The following FAM227B variants were observed in gnomAD, a reference collection of about 807,000 sequenced individuals.
The protein encoded by FAM227B is family with sequence similarity 227 member B, also known as protein FAM227B.
FAM227B carries 88 observed loss-of-function variants against 73.8 expected under a neutral mutation model. The observed-to-expected ratio is 1.19, with a 90% confidence interval of 1.00 to 1.42. The LOEUF (loss-of-function observed/expected upper bound fraction) is 1.42, where lower values mean the gene tolerates loss of function less well. FAM227B is among the 40% of genes most tolerant of loss of function. FAM227B has a pLI of 0.00. For synonymous variants in FAM227B, 210 were observed against 190.5 expected, an observed-to-expected ratio of 1.10 and a Z score of -0.84; for missense variants, 632 against 590.9, an observed-to-expected ratio of 1.07 and a Z score of -0.72.
chr15:49,381,451 A>T (rs1387028875), intron 11 of FAM227B, among the ~76,000 whole-genome samples: 2 of 152,262 alleles, frequency 1.3e-5, no homozygotes, highest in Non-Finnish European at 2.9e-5. Flanking sequence ...ATGCTGAAGC[A>T]GGAGGACATA....
At chr15:49,528,749 A>T (rs2060392301) in intron 10 of FAM227B, among the ~76,000 whole-genome samples, 1 of 151,982 alleles carries the variant, frequency 6.6e-6, no homozygotes, top group African/African-American at 2.4e-5. Context: ...ACTGATTATC[A>T]GAGAAGCACA....
intron 11 of FAM227B, among the ~76,000 whole-genome samples, chr15:49,435,382 C>T (rs1016491663): frequency 6.6e-6 from 1 of 151,532 alleles, no homozygotes; most frequent in Non-Finnish European, 1.5e-5. Context: ...ACTTTTACTA[C>T]CATGAGCACT....
chr15:49,392,680 T>A (rs2047294935), intron 11 of FAM227B, among the ~76,000 whole-genome samples: 1 of 152,194 alleles, frequency 6.6e-6, no homozygotes, highest in African/African-American at 2.4e-5. Context: ...AAATAATGCG[T>A]TGAACTCAAA....
chr15:49,541,926 C>T (rs1050950800), intron 9 of FAM227B, 120 bp from the exon 10 acceptor site: 9 of 820,956 alleles, frequency 1.1e-5, no homozygotes, highest in Admixed American at 8.7e-5. Context: ...AATAAAAATT[C>T]GCCATTTTTT....
At chr15:49,486,783 T>C (rs2056433987) in intron 11 of FAM227B, 1 of 151,908 alleles carries the variant, frequency 6.6e-6, no homozygotes, top group Non-Finnish European at 1.5e-5. Context: ...TGTACTTTAA[T>C]TATTTGTTTT....
chr15:49,607,867 T>C (rs773311897), intron 3 of FAM227B, among the ~76,000 whole-genome samples: 3 of 152,210 alleles, frequency 2.0e-5, no homozygotes, highest in Non-Finnish European at 4.4e-5. Context: ...GATCATAATC[T>C]ATTTTCCCCA....
chr15:49,555,529 G>C (rs561391253), intron 9 of FAM227B, among the ~76,000 whole-genome samples: 2 of 152,168 alleles, frequency 1.3e-5, no homozygotes, highest in African/African-American at 4.8e-5. Context: ...ATGTGACTTG[G>C]ATATGGTCTT....
At chr15:49,611,591 T>G (rs2077921847) in intron 2 of FAM227B, among the ~76,000 whole-genome samples, 1 of 152,212 alleles carries the variant, frequency 6.6e-6, no homozygotes. Context: ...CTATCATGGA[T>G]AGCCTCTATA....
Position 49,483,265 on chromosome 15 carries a change from T to C in FAM227B, c.1012+24946A>G, listed in dbSNP as rs1352571231. ...AAACTCTATGCAAAGGTATTGATAA[T>C]TGATAGCTTAGGCTTAATTTTTAAA... On this transcript the variant is annotated intron_variant, in intron 11 of 15. Coordinates refer to ENST00000299338, the MANE Select transcript of FAM227B (RefSeq NM_152647.3). The C allele has an allele frequency of 5.9e-6, 8 of 1,360,896 alleles. No individual in the cohort carries two copies. In the Admixed American group the frequency reaches 1.2e-4, roughly 20 times the overall value. The allele number at this position is 1,360,896 out of a possible 1,614,324, so 84.3% of individuals were successfully genotyped here.
At chr15:49,414,111 G>T (rs1567232802) in intron 11 of FAM227B, among the ~76,000 whole-genome samples, 1 of 151,918 alleles carries the variant, frequency 6.6e-6, no homozygotes. Flanking sequence ...TGAACAGTAT[G>T]TCATAATGCA....
At chr15:49,506,074 A>G (rs2058562995) in intron 11 of FAM227B, among the ~76,000 whole-genome samples, 2 of 152,060 alleles carry the variant, frequency 1.3e-5, no homozygotes, top group South Asian at 4.1e-4. Context: ...AAACCTAATA[A>G]AAGTATATTT....
intron 5 of FAM227B, among the ~76,000 whole-genome samples, chr15:49,579,907 A>G (rs950215246): frequency 6.6e-6 from 1 of 152,192 alleles, no homozygotes; most frequent in African/African-American, 2.4e-5. Context: ...AATAGGTACA[A>G]TGATTATGTA....
At chr15:49,596,732 C>T (rs2153288666) in intron 3 of FAM227B, among the ~76,000 whole-genome samples, 1 of 152,000 alleles carries the variant, frequency 6.6e-6, no homozygotes, top group African/African-American at 2.4e-5. Flanking sequence ...AGAGACTCAC[C>T]TAACACATAA....
intron 3 of FAM227B, among the ~76,000 whole-genome samples, chr15:49,592,467 G>T (rs2152415250): frequency 6.6e-6 from 1 of 152,334 alleles, no homozygotes; most frequent in South Asian, 2.1e-4. Context: ...GTCCACTCCA[G>T]ACCCTGTTTG....
intron 11 of FAM227B, among the ~76,000 whole-genome samples, chr15:49,414,990 T>C (rs1023945179): frequency 2.0e-5 from 3 of 152,164 alleles, no homozygotes; most frequent in Non-Finnish European, 2.9e-5. Context: ...AATACTTGGC[T>C]TTTCATGGAT....
At chr15:49,468,336 T>C (rs766889064) in intron 11 of FAM227B, among the ~76,000 whole-genome samples, 15 of 152,186 alleles carry the variant, frequency 9.9e-5, no homozygotes, top group Non-Finnish European at 1.9e-4. Flanking sequence ...GGAACTATTT[T>C]GAATTTCATG....
At chr15:49,331,954 C>T in intron 14 of FAM227B, 105 bp from the exon 15 acceptor site, 1 of 722,146 alleles carries the variant, frequency 1.4e-6, no homozygotes. Context: ...GGGCATTCGT[C>T]AAGCACTTTA....
intron 11 of FAM227B, among the ~76,000 whole-genome samples, chr15:49,386,545 G>A (rs2046895911): frequency 6.6e-6 from 1 of 151,658 alleles, no homozygotes; most frequent in African/African-American, 2.4e-5. Flanking sequence ...CCTACATCAA[G>A]AAGTCTGAAA....
At chr15:49,617,144 T>A (rs2078339420) in intron 1 of FAM227B, among the ~76,000 whole-genome samples, 2 of 152,206 alleles carry the variant, frequency 1.3e-5, no homozygotes, top group Admixed American at 1.3e-4. Flanking sequence ...AGGCTTTCTA[T>A]CACCATTTTA....
Sources: gnomAD v4.1 joint callset for allele counts (sites outside exome capture counted in the v4.1 genomes callset) on GRCh38, gnomAD v4.1.1 for gene constraint, MANE v1.5 for transcripts, NCBI Gene and HGNC (gene_info 2026-07-23, HGNC 2026-07-21) for gene names.